Variants in TMEM163 observed in about 807,000 individuals in gnomAD.
TMEM163 encodes the protein transmembrane protein 163.
A neutral mutation model predicts 29.3 loss-of-function variants in TMEM163; 17 were observed. That is an observed-to-expected ratio of 0.58 (90% confidence interval 0.40 to 0.87). The LOEUF is 0.87. Ranked by LOEUF, TMEM163 falls within the 40% of genes least tolerant of loss-of-function variation. TMEM163 has a pLI of 0.00. For synonymous variants in TMEM163, 157 were observed against 160.6 expected (o/e 0.98, Z 0.17); for missense variants, 303 against 381.5 (o/e 0.79, Z 1.71).
At chr2:134,652,748 A>C (rs1398042707) in intron 2 of TMEM163, among the ~76,000 whole-genome samples, 1 of 132,282 alleles carries the variant, frequency 7.6e-6, no homozygotes, top group Admixed American at 7.4e-5. Context: ...GAGAGTTTTT[A>C]GCATGAAGGG....
At chr2:134,577,100 G>C (rs1486975323) in intron 2 of TMEM163, among the ~76,000 whole-genome samples, 2 of 152,136 alleles carry the variant, frequency 1.3e-5, no homozygotes, top group East Asian at 3.9e-4. Context: ...GCACAAAACA[G>C]ACACCCAACA....
intron 4 of TMEM163, among the ~76,000 whole-genome samples, chr2:134,545,772 G>A (rs1349096508): frequency 1.3e-5 from 2 of 152,130 alleles, no homozygotes; most frequent in Admixed American, 1.3e-4. Context: ...TAAATGAAAC[G>A]CCTATGGAAT....
At chr2:134,668,038 C>T (rs573999269) in intron 2 of TMEM163, among the ~76,000 whole-genome samples, 2 of 152,172 alleles carry the variant, frequency 1.3e-5, no homozygotes, top group South Asian at 4.1e-4. Context: ...TGCTGGGCCT[C>T]GCTTTCTGCA....
chr2:134,568,672 GAAGGAAAGAAAAGAAAA>G (rs1207016207), intron 2 of TMEM163, among the ~76,000 whole-genome samples: 170 of 134,714 alleles, frequency 1.3e-3, no homozygotes, highest in African/African-American at 4.5e-3. Context: ...AGGAAGGAAA[GAAGGAAAGAAAAGAAAA>G]AAGGAAAGAA....
chr2:134,611,722 C>A (rs1682507290), intron 2 of TMEM163, among the ~76,000 whole-genome samples: 1 of 152,184 alleles, frequency 6.6e-6, no homozygotes, highest in South Asian at 2.1e-4. Context: ...CGGAGGAGAC[C>A]TGGTACAGTG....
intron 5 of TMEM163, among the ~76,000 whole-genome samples, chr2:134,495,603 G>A (rs1299669709): frequency 6.6e-6 from 1 of 152,170 alleles, no homozygotes; most frequent in Non-Finnish European, 1.5e-5. Flanking sequence ...TTGGCTGGGG[G>A]CTTCCAAATC....
intron 5 of TMEM163, chr2:134,466,591 A>G (rs1286816980): frequency 1.1e-5 from 2 of 188,930 alleles, no homozygotes; most frequent in African/African-American, 4.7e-5. Context: ...TAACTCACCA[A>G]GCAGTTGACT....
intron 2 of TMEM163, among the ~76,000 whole-genome samples, chr2:134,677,476 T>G (rs1332980086): frequency 6.6e-6 from 1 of 151,898 alleles, no homozygotes; most frequent in Non-Finnish European, 1.5e-5. Flanking sequence ...TGGATTTTTT[T>G]TAAGCCAAGC....
intron 4 of TMEM163, among the ~76,000 whole-genome samples, chr2:134,542,793 G>A (rs768850737): frequency 7.9e-5 from 12 of 152,214 alleles, no homozygotes; most frequent in Middle Eastern, 3.4e-3. Context: ...TGTCTGCAGG[G>A]CCACCCTCCC....
chr2:134,585,010 T>C (rs1298779436), intron 2 of TMEM163, among the ~76,000 whole-genome samples: 1 of 152,166 alleles, frequency 6.6e-6, no homozygotes, highest in Non-Finnish European at 1.5e-5. Flanking sequence ...GCCTGGGTAT[T>C]CTTCATATAG....
Position 134,565,584 on chromosome 2 carries a change from C to T in TMEM163, c.323-13493G>A, listed in dbSNP as rs923436168. 2.5e-4 allele frequency among the ~76,000 whole-genome samples: 38 copies of T among 151,102 alleles called. 1 individual carries two copies. The highest frequency in any genetic ancestry group is 7.8e-4 in the East Asian group (4 of 5,144). ...CTGAGCCACTGCACTCCAGCCTGAG[C>T]GACTGAGGGCAAGACTCTGTCTCCA... On this transcript the variant is annotated intron_variant, in intron 2 of 7. Coordinates refer to ENST00000281924, the MANE Select transcript of TMEM163 (RefSeq NM_030923.5).
chr2:134,633,949 G>C (rs1683034106), intron 2 of TMEM163, among the ~76,000 whole-genome samples: 1 of 123,790 alleles, frequency 8.1e-6, no homozygotes, highest in Admixed American at 9.6e-5. Context: ...TAGTGAAACT[G>C]TCTCAAAAAA....
At chr2:134,606,253 C>T (rs1356732480) in intron 2 of TMEM163, among the ~76,000 whole-genome samples, 1 of 151,906 alleles carries the variant, frequency 6.6e-6, no homozygotes, top group Admixed American at 6.6e-5. Flanking sequence ...CACGCTCTAG[C>T]ATTAAGACTT....
At chr2:134,660,247 A>G (rs1421238751) in intron 2 of TMEM163, among the ~76,000 whole-genome samples, 2 of 152,150 alleles carry the variant, frequency 1.3e-5, no homozygotes, top group Non-Finnish European at 2.9e-5. Context: ...GAGTGGGAAG[A>G]TTAATTTCTA....
chr2:134,516,507 G>A (rs1260383309), intron 4 of TMEM163, among the ~76,000 whole-genome samples: 2 of 151,476 alleles, frequency 1.3e-5, no homozygotes, highest in East Asian at 3.9e-4. Flanking sequence ...GTTGTAATGA[G>A]CTGAGATTGC....
At chr2:134,710,226 G>C (rs1309779626) in intron 2 of TMEM163, among the ~76,000 whole-genome samples, 1 of 152,180 alleles carries the variant, frequency 6.6e-6, no homozygotes, top group Non-Finnish European at 1.5e-5. Flanking sequence ...TCAATTGATT[G>C]AGACCTGTCT....
chr2:134,563,693 C>T (rs1264297435), intron 2 of TMEM163, among the ~76,000 whole-genome samples: 1 of 152,138 alleles, frequency 6.6e-6, no homozygotes, highest in Non-Finnish European at 1.5e-5. Flanking sequence ...CAATTAAAAT[C>T]CTAGCAGGTG....
At chr2:134,467,253 C>G (rs1423255702) in intron 5 of TMEM163, 3 of 152,192 alleles carry the variant, frequency 2.0e-5, no homozygotes, top group African/African-American at 7.2e-5. Flanking sequence ...CTCCATCCTC[C>G]AAGAGTTGGA....
chr2:134,482,941 G>A (rs541077739), intron 5 of TMEM163, among the ~76,000 whole-genome samples: 90 of 152,180 alleles, frequency 5.9e-4, no homozygotes, highest in Middle Eastern at 6.8e-3. Context: ...TTTTCTGGCC[G>A]GCTGGCCAAC....
Sources: allele counts gnomAD v4.1 joint callset (sites outside exome capture counted in the v4.1 genomes callset), GRCh38; gene constraint gnomAD v4.1.1; transcripts MANE v1.5; gene names NCBI Gene and HGNC (gene_info 2026-07-23, HGNC 2026-07-21).